Variants in PRSS23 observed in about 807,000 individuals in gnomAD.
PRSS23 encodes the protein protease, serine 23.
In PRSS23, 25 loss-of-function variants were observed where a neutral mutation model predicts 34.7. The ratio of observed to expected loss-of-function variants is 0.72; its 90% CI spans 0.53 to 1.01. The LOEUF (loss-of-function observed/expected upper bound fraction) is 1.01, where lower values mean the gene tolerates loss of function less well. Ranked by LOEUF, PRSS23 falls within the 50% of genes least tolerant of loss-of-function variation. PRSS23 has a pLI of 0.00. For synonymous variants in PRSS23, 176 were observed against 186.6 expected (o/e 0.94, Z 0.46); for missense variants, 445 against 475.6 (o/e 0.94, Z 0.60).
chr11:86,832,827 G>A (rs1948370490), intron 2 of PRSS23: 1 of 303,336 alleles, frequency 3.3e-6, no homozygotes, highest in Non-Finnish European at 6.4e-6. Context: ...CGTGAGATAG[G>A]AAGAAAACCA....
chr11:86,905,916 AAAG>A (rs1347439313), intron 2 of PRSS23, among the ~76,000 whole-genome samples: 2 of 152,242 alleles, frequency 1.3e-5, no homozygotes, highest in Non-Finnish European at 2.9e-5. Context: ...TGGAGTGAAC[AAAG>A]AAGGTGAGGA....
At chr11:86,915,557 A>T (rs1240705587) in intron 2 of PRSS23, among the ~76,000 whole-genome samples, 4 of 148,282 alleles carry the variant, frequency 2.7e-5, no homozygotes, top group Non-Finnish European at 4.5e-5. Context: ...TATATATATA[A>T]AACTAATATA....
chr11:86,812,787 C>CAAAAAAAA (rs35855610), downstream of PRSS23, among the ~76,000 whole-genome samples: 4 of 83,858 alleles, frequency 4.8e-5, no homozygotes, highest in East Asian at 3.1e-4. Context: ...GACTCTGTCT[C>CAAAAAAAA]AAAAAAAAAA....
intron 2 of PRSS23, among the ~76,000 whole-genome samples, chr11:86,854,350 A>G (rs899406689): frequency 1.3e-5 from 2 of 152,142 alleles, no homozygotes; most frequent in Non-Finnish European, 2.9e-5. Flanking sequence ...ACCATTGTTA[A>G]TGGGATGCCT....
At chr11:86,878,088 T>C (rs930218927) in intron 2 of PRSS23, among the ~76,000 whole-genome samples, 5 of 152,196 alleles carry the variant, frequency 3.3e-5, no homozygotes, top group African/African-American at 9.6e-5. Context: ...TGTATCAAAA[T>C]TGGAATTGTA....
At chr11:86,918,681 C>A (rs1283900825) in intron 2 of PRSS23, among the ~76,000 whole-genome samples, 1 of 152,182 alleles carries the variant, frequency 6.6e-6, no homozygotes, top group Non-Finnish European at 1.5e-5. Flanking sequence ...AGCTGTAAAC[C>A]CAGGGCCGAG....
chr11:86,814,226 A>C (rs1041739087), downstream of PRSS23, among the ~76,000 whole-genome samples: 1 of 152,200 alleles, frequency 6.6e-6, no homozygotes, highest in Admixed American at 6.5e-5. Flanking sequence ...TCTCAAATGC[A>C]CTTGTAGATG....
chr11:86,908,491 T>G (rs1417868586), intron 2 of PRSS23, among the ~76,000 whole-genome samples: 1 of 152,218 alleles, frequency 6.6e-6, no homozygotes, highest in Admixed American at 6.5e-5. Context: ...AAATAAGAAA[T>G]GCCCTTGGGC....
chr11:86,852,523 A>G (rs1377960815), intron 2 of PRSS23, among the ~76,000 whole-genome samples: 1 of 152,104 alleles, frequency 6.6e-6, no homozygotes, highest in Admixed American at 6.5e-5. Flanking sequence ...TTTAATTTTC[A>G]TCTTTTATTT....
chr11:86,890,232 T>C (rs1948832315), intron 2 of PRSS23, among the ~76,000 whole-genome samples: 1 of 151,858 alleles, frequency 6.6e-6, no homozygotes, highest in South Asian at 2.1e-4. Context: ...ATCATGCCAC[T>C]GCACTCCAGC....
chr11:86,864,398 T>A (rs1401866299), intron 2 of PRSS23, among the ~76,000 whole-genome samples: 5 of 152,148 alleles, frequency 3.3e-5, no homozygotes, highest in Admixed American at 6.6e-5. Context: ...GGTTCATGTG[T>A]AGCAGAGGGG....
chr11:86,860,819 G>A (rs966216077), intron 2 of PRSS23, among the ~76,000 whole-genome samples: 1 of 151,644 alleles, frequency 6.6e-6, no homozygotes, highest in South Asian at 2.1e-4. Flanking sequence ...GGAAATGTAC[G>A]TCACCCTGTG....
At chr11:86,887,005 G>A (rs896475565) in intron 2 of PRSS23, among the ~76,000 whole-genome samples, 1 of 152,100 alleles carries the variant, frequency 6.6e-6, no homozygotes, top group Admixed American at 6.6e-5. Context: ...GTAGTCAAAC[G>A]ATGGAATTAT....
At chr11:86,854,062 A>C (rs1948550929) in intron 2 of PRSS23, among the ~76,000 whole-genome samples, 2 of 152,120 alleles carry the variant, frequency 1.3e-5, no homozygotes, top group African/African-American at 4.8e-5. Flanking sequence ...GTGCAGTGGC[A>C]CGATCTCGGC....
At chr11:86,858,381 G>A (rs1020731617) in intron 2 of PRSS23, among the ~76,000 whole-genome samples, 4 of 151,980 alleles carry the variant, frequency 2.6e-5, no homozygotes, top group African/African-American at 9.7e-5. Flanking sequence ...TATCCAGGGA[G>A]GGAGAGGATG....
chr11:86,938,179 C>T (rs1435674301), intron 2 of PRSS23, among the ~76,000 whole-genome samples: 4 of 152,166 alleles, frequency 2.6e-5, no homozygotes, highest in Admixed American at 6.5e-5. Context: ...CAGCATTGGG[C>T]GCAAGAACAG....
chr11:86,916,546 T>A (rs1018858127), intron 2 of PRSS23, among the ~76,000 whole-genome samples: 2 of 152,200 alleles, frequency 1.3e-5, no homozygotes, highest in African/African-American at 2.4e-5. Context: ...GAAGTGTGTG[T>A]CACCAGAAAA....
chr11:86,952,504 A>T (rs779172777), exon 3 of PRSS23: 1 of 1,604,726 alleles, frequency 6.2e-7, no homozygotes, highest in East Asian at 2.2e-5. Context: ...CACACAAAAA[A>T]AACAATGACT....
At chr11:86,813,811 A>G (rs938892372), downstream of PRSS23, among the ~76,000 whole-genome samples, 2 of 152,226 alleles carry the variant, frequency 1.3e-5, no homozygotes. Context: ...CATATTTGAC[A>G]ATATCTCTTT....
Sources: allele counts gnomAD v4.1 joint callset (sites outside exome capture counted in the v4.1 genomes callset), GRCh38; gene constraint gnomAD v4.1.1; transcripts MANE v1.5; gene names NCBI Gene and HGNC (gene_info 2026-07-23, HGNC 2026-07-21).